The following COL15A1 variants were observed in gnomAD, a reference collection of about 807,000 sequenced individuals.
COL15A1 encodes collagen type XV alpha 1 chain.
Under a neutral mutation model 165.9 loss-of-function variants are expected in COL15A1, and 111 were observed. The observed-to-expected ratio is 0.67, with a 90% CI of 0.57 to 0.78. The LOEUF (loss-of-function observed/expected upper bound fraction) is 0.78, where lower values mean the gene tolerates loss of function less well. COL15A1 is among the 30% of genes least tolerant of loss of function. The probability of loss-of-function intolerance (pLI) is 0.00; values close to 1 mark genes in which losing one functional copy is unlikely to be tolerated. For synonymous variants in COL15A1, 659 were observed against 674.8 expected, an observed-to-expected ratio of 0.98 and a Z score of 0.36; for missense variants, 1,745 against 1,789.7, an observed-to-expected ratio of 0.98 and a Z score of 0.45.
chr9:98,990,113 G>GGGCTGTGCATGC (rs1838392525), intron 5 of COL15A1, among the ~76,000 whole-genome samples: 2 of 152,228 alleles, frequency 1.3e-5, no homozygotes, highest in Admixed American at 6.5e-5. Flanking sequence ...GCATGCAGCA[G>GGGCTGTGCATGC]AGCTGTGGAT....
chr9:98,965,641 G>A (rs776281916), intron 2 of COL15A1, among the ~76,000 whole-genome samples: 1 of 152,180 alleles, frequency 6.6e-6, no homozygotes, highest in Non-Finnish European at 1.5e-5. Context: ...CTAATTGTGT[G>A]GGTTTGCTCA....
rs2118952573 is a variant in COL15A1 at position 99,003,599 on chromosome 9, A to G, written c.1200+12A>G. The G allele has an allele frequency of 6.8e-7, 1 of 1,468,200 alleles. No homozygotes were observed. Among genetic ancestry groups the G allele is most frequent in the East Asian group, 2.6e-5 (1 of 38,750 alleles). The allele number at this position is 1,468,200 out of a possible 1,614,324, so 90.9% of individuals were successfully genotyped here. A position where few individuals can be genotyped will look rare whatever the true frequency, so the allele number is the denominator to read the frequency against. ...AAGGGGTCACTCCAGTAAGTAGCTC[A>G]GAGCGCAAGCTCCCCTTCACCTGTG... On this transcript the variant is annotated intron_variant, in intron 8 of 41. Coordinates refer to ENST00000375001, the MANE Select transcript of COL15A1 (RefSeq NM_001855.5).
intron 39 of COL15A1, among the ~76,000 whole-genome samples, chr9:99,064,029 G>T (rs1387922204): frequency 1.3e-5 from 2 of 152,090 alleles, no homozygotes; most frequent in Non-Finnish European, 1.5e-5. Flanking sequence ...GAACAGCCAG[G>T]CCTGGGACTC....
intron 2 of COL15A1, among the ~76,000 whole-genome samples, chr9:98,964,357 A>C (rs1452915789): frequency 6.6e-6 from 1 of 152,238 alleles, no homozygotes; most frequent in East Asian, 1.9e-4. Flanking sequence ...ATCTAAATTA[A>C]ACAAGAGTCA....
At chr9:99,011,642 TA>T (rs1838849825) in intron 9 of COL15A1, among the ~76,000 whole-genome samples, 2 of 152,112 alleles carry the variant, frequency 1.3e-5, no homozygotes. Context: ...CACTTTTTTT[TA>T]GAAAGAATGT....
At chr9:98,966,821 G>A (rs2151616) in intron 2 of COL15A1, among the ~76,000 whole-genome samples, 28,374 of 152,198 alleles carry the variant, frequency 0.19, 3,244 homozygotes, top group Middle Eastern at 0.31. Context: ...TGGGGATCAG[G>A]TGAGAGCTAA....
chr9:98,977,929 G>A (rs1269418196), intron 2 of COL15A1, among the ~76,000 whole-genome samples: 2 of 152,200 alleles, frequency 1.3e-5, no homozygotes, highest in African/African-American at 4.8e-5. Flanking sequence ...TGTGTCCAAG[G>A]AAGAGGATGT....
At chr9:99,040,427 T>C (rs1026184372) in intron 22 of COL15A1, 94 bp from the exon 23 acceptor site, 8 of 1,600,362 alleles carry the variant, frequency 5.0e-6, no homozygotes, top group Non-Finnish European at 6.8e-6. Context: ...GGGAACATGC[T>C]GAGGCCTTTG....
At position 99,006,248 on chromosome 9, in the gene COL15A1, G is replaced by C. The variant is rs1193623169; in HGVS notation, c.1353+1198G>C. The stretch of plus-strand genomic sequence containing the variant: ...CATCATTGTAGTTGATAATGAACTT[G>C]GCAAATAGTTCATGTCTGGCTCCCT... On this transcript the variant is annotated intron_variant, in intron 9 of 41. Transcript: ENST00000375001. Among the ~76,000 whole-genome samples the C allele has an allele frequency of 2.0e-5, 3 of 152,186 alleles. No individual in the cohort carries two copies. In the East Asian group the frequency reaches 5.8e-4, roughly 29 times the overall value.
intron 6 of COL15A1, among the ~76,000 whole-genome samples, chr9:98,999,149 G>A (rs1316067548): frequency 6.6e-6 from 1 of 152,244 alleles, no homozygotes. Flanking sequence ...GAGTCCTTTG[G>A]AGGATTTGGC....
intron 15 of COL15A1, 32 bp downstream of exon 15, chr9:99,025,031 T>C: frequency 6.2e-7 from 1 of 1,604,654 alleles, no homozygotes; most frequent in African/African-American, 1.3e-5. Flanking sequence ...CCCATCTCTG[T>C]GGCTGTGGGG....
intron 2 of COL15A1, 92 bp from the exon 3 acceptor site, chr9:98,985,473 G>T: frequency 8.0e-7 from 1 of 1,243,292 alleles, no homozygotes; most frequent in Non-Finnish European, 1.1e-6. Context: ...GTTCCTGAGT[G>T]ATCCCGTTTC....
At chr9:99,025,999 G>T in intron 16 of COL15A1, 33 bp downstream of exon 16, 1 of 1,584,450 alleles carries the variant, frequency 6.3e-7, no homozygotes, top group Admixed American at 1.7e-5. Flanking sequence ...CCACCACATG[G>T]GAGCCACCAG....
At chr9:98,997,361 C>G (rs1838566316) in intron 6 of COL15A1, among the ~76,000 whole-genome samples, 1 of 152,168 alleles carries the variant, frequency 6.6e-6, no homozygotes, top group South Asian at 2.1e-4. Flanking sequence ...CTTCTAACTC[C>G]CAGATTCTAT....
intron 2 of COL15A1, among the ~76,000 whole-genome samples, chr9:98,984,686 T>G (rs1048697006): frequency 2.0e-5 from 3 of 152,222 alleles, no homozygotes; most frequent in African/African-American, 7.2e-5. Flanking sequence ...AAATTTCAAT[T>G]GCCTTGAGGC....
chr9:98,985,702 A>G lies in COL15A1; in HGVS notation c.238A>G (p.Arg80Gly), dbSNP rs1838298638. ...TGGTGCCAATGTTGGCCGCCCAGCC[A>G]GGACTCTCATCCCATCCACCTTCTT... Reference protein sequence around the residue: ...GPGANVGRPARTLIPSTFFRD... With the variant: ...GPGANVGRPAGTLIPSTFFRD... Residue 80 changes from arginine to glycine, a missense_variant, in exon 3 of 42, where the codon AGG (arginine) becomes GGG (glycine). Physicochemically the swap from Arg to Gly is moderately radical, Grantham distance 125. Transcript: ENST00000375001. The G allele has an allele frequency of 2.5e-6, 4 of 1,614,120 alleles. No individual in the cohort carries two copies. Among genetic ancestry groups the G allele is most frequent in the Non-Finnish European group, 3.4e-6 (4 of 1,180,060 alleles).
At chr9:98,950,590 T>TCCTCCCTCCCTC (rs977699778) in intron 2 of COL15A1, among the ~76,000 whole-genome samples, 10 of 93,922 alleles carry the variant, frequency 1.1e-4, no homozygotes, top group South Asian at 4.2e-4. Flanking sequence ...CTTCCTTCCT[T>TCCTCCCTCCCTC]CCTCCCTCCC....
intron 14 of COL15A1, 46 bp downstream of exon 14, chr9:99,023,495 A>G (rs1839062714): frequency 2.2e-6 from 2 of 911,278 alleles, no homozygotes; most frequent in African/African-American, 3.3e-5. Flanking sequence ...ACTGCCTTCA[A>G]AATAACCCCA....
At chr9:99,069,454 A>G (rs1825949883) in intron 41 of COL15A1, among the ~76,000 whole-genome samples, 1 of 152,184 alleles carries the variant, frequency 6.6e-6, no homozygotes. Context: ...GTTTAGATTC[A>G]CAAAAGAAGA....
Sources: allele counts gnomAD v4.1 joint callset (sites outside exome capture counted in the v4.1 genomes callset), GRCh38; gene constraint gnomAD v4.1.1; transcripts MANE v1.5; gene names NCBI Gene and HGNC (gene_info 2026-07-23, HGNC 2026-07-21).